Variants in NWD1 observed in about 807,000 individuals in gnomAD.
NWD1 encodes NACHT and WD repeat domain containing 1.
NWD1 carries 129 observed loss-of-function variants against 135.1 expected under a neutral mutation model. The ratio of observed to expected loss-of-function variants is 0.96; its 90% CI spans 0.83 to 1.11. The LOEUF (loss-of-function observed/expected upper bound fraction) is 1.11, where lower values mean the gene tolerates loss of function less well. Among genes scored for constraint, NWD1 ranks in the 50% least tolerant of loss-of-function variants. The pLI is 0.00. For missense variants in NWD1, 1,740 were observed against 1,851.3 expected (o/e 0.94, Z 1.10); for synonymous variants, 773 against 786.0 (o/e 0.98, Z 0.28).
In NWD1 at chr19:16,815,261, G is replaced by A. The variant is rs780780047; in HGVS notation, c.*222G>A. ...AGCTGCAGGAGCTCCCCAGGACTTG[G>A]AGTCAGAAAGTGCCCAGGGAAATGA... On this transcript the variant is annotated 3_prime_UTR_variant, in exon 19 of 19. Coordinates refer to ENST00000524140, the MANE Select transcript of NWD1 (RefSeq NM_001007525.5). 2.6e-6 allele frequency: 2 copies of A among 781,428 alleles called. No individual in the cohort carries two copies. The highest frequency in any genetic ancestry group is 1.3e-5 in the South Asian group (1 of 74,634). 48.4% of individuals were successfully genotyped at this position (781,428 alleles called of 1,614,324 possible). A position where few individuals can be genotyped will look rare whatever the true frequency, so the allele number is the denominator to read the frequency against.
intron 11 of NWD1, among the ~76,000 whole-genome samples, chr19:16,774,386 AC>A (rs963457793): frequency 7.4e-5 from 11 of 148,140 alleles, no homozygotes; most frequent in African/African-American, 2.8e-4. Context: ...CCACCCTGCT[AC>A]CTTTCCATCC....
In NWD1 at chr19:16,744,604, G is replaced by T; in HGVS notation, c.382G>T (p.Glu128Ter). Reference sequence around the variant, plus strand: ...CGTCCTGCAGGCACCAGGTACTGGGGAGGCCTGTGAACCAGAGGAGGCCAC... The same window carrying T: ...CGTCCTGCAGGCACCAGGTACTGGGTAGGCCTGTGAACCAGAGGAGGCCAC... ...TYVLQAPGTG[E>*]ACEPEEATLT... The change falls in exon 5 of 19, where the codon GAG becomes TAG. Residue 128 changes from glutamate (E) to a stop codon, truncating the protein, a stop_gained. Transcript: ENST00000524140. LOFTEE classifies it high-confidence loss of function. 6.5e-7 allele frequency: 1 copy of T among 1,535,386 alleles called. No homozygotes were observed. The highest frequency in any genetic ancestry group is 2.4e-5 in the East Asian group (1 of 40,894).
intron 12 of NWD1, among the ~76,000 whole-genome samples, chr19:16,781,559 T>C (rs1431462286): frequency 3.3e-5 from 5 of 151,730 alleles, no homozygotes; most frequent in African/African-American, 1.2e-4. Context: ...GGGGCTACAG[T>C]GAGCTGTGAT....
At chr19:16,739,451 G>A (rs1967993040) in intron 4 of NWD1, among the ~76,000 whole-genome samples, 2 of 151,976 alleles carry the variant, frequency 1.3e-5, no homozygotes, top group South Asian at 4.1e-4. Flanking sequence ...CAAAAGCACA[G>A]TGCAGCTTTC....
intron 4 of NWD1, among the ~76,000 whole-genome samples, chr19:16,738,836 T>A (rs1475725480): frequency 7.0e-6 from 1 of 143,592 alleles, no homozygotes; most frequent in East Asian, 2.0e-4. Flanking sequence ...ATGTATACAT[T>A]ATATATTATA....
intron 2 of NWD1, among the ~76,000 whole-genome samples, chr19:16,729,476 G>A (rs181788165): frequency 3.3e-5 from 5 of 151,716 alleles, no homozygotes; most frequent in Admixed American, 6.6e-5. Flanking sequence ...TCTGCCCCTC[G>A]ATGTAAAGTA....
intron 12 of NWD1, among the ~76,000 whole-genome samples, chr19:16,785,584 ATGAC>A (rs143856587): frequency 0.11 from 17,179 of 151,158 alleles, 1,778 homozygotes; most frequent in African/African-American, 0.28. Flanking sequence ...AAAAAAGAGG[ATGAC>A]TGTTTTCTGA....
intron 11 of NWD1, among the ~76,000 whole-genome samples, chr19:16,774,973 A>G (rs1026586073): frequency 1.3e-5 from 2 of 151,840 alleles, no homozygotes; most frequent in South Asian, 2.1e-4. Context: ...CACTCATCCA[A>G]CTAGCCACCT....
At chr19:16,773,101 C>CT in intron 10 of NWD1, 25 bp from the exon 11 acceptor site, 1 of 1,609,996 alleles carries the variant, frequency 6.2e-7, no homozygotes, top group Non-Finnish European at 8.5e-7. Flanking sequence ...ATCCAGGCAA[C>CT]TTAGTCTACA....
intron 2 of NWD1, among the ~76,000 whole-genome samples, chr19:16,726,916 C>T (rs1376383037): frequency 6.6e-6 from 1 of 151,908 alleles, no homozygotes; most frequent in Non-Finnish European, 1.5e-5. Context: ...CAAGTGTCCC[C>T]TGGGGGCTGA....
chr19:16,802,008 G>T (rs966622334), intron 17 of NWD1, among the ~76,000 whole-genome samples: 1 of 151,660 alleles, frequency 6.6e-6, no homozygotes, highest in African/African-American at 2.4e-5. Context: ...AATAATGGCC[G>T]GGCATGGTGG....
At chr19:16,750,492 T>A in intron 6 of NWD1, 81 bp downstream of exon 6, 1 of 1,145,036 alleles carries the variant, frequency 8.7e-7, no homozygotes, top group South Asian at 1.7e-5. Flanking sequence ...TCTGGCTATG[T>A]CACCCAGGCT....
chr19:16,789,300 T>A, intron 13 of NWD1, 110 bp downstream of exon 13: 1 of 817,310 alleles, frequency 1.2e-6, no homozygotes, highest in Non-Finnish European at 2.0e-6. Flanking sequence ...GGGGTGGGGG[T>A]GTAAATGGAG....
At chr19:16,729,478 TGTAAA>T (rs1765051253) in intron 2 of NWD1, among the ~76,000 whole-genome samples, 1 of 151,774 alleles carries the variant, frequency 6.6e-6, no homozygotes. Flanking sequence ...TGCCCCTCGA[TGTAAA>T]GTAGATTTGT....
At chr19:16,809,196 G>A (rs552176960) in intron 18 of NWD1, among the ~76,000 whole-genome samples, 3 of 151,220 alleles carry the variant, frequency 2.0e-5, no homozygotes, top group South Asian at 4.2e-4. Context: ...CAACTCTCCC[G>A]CCTCGGCCTC....
rs554104547 is a variant in NWD1 at position 16,807,727 on chromosome 19, T to C, written c.3878T>C (p.Ile1293Thr). ...AATTCCAGGCAGGACGTGATATGCA[T>C]TCCCCCTCCCGAGGCCCGGAAAGCA... ...PLNSRQDVIC[I>T]PPPEARKAIN... The change falls in exon 18 of 19, where the codon ATT becomes ACT. Residue 1293 changes from isoleucine to threonine, a missense_variant. Transcript: ENST00000524140. 3.1e-6 allele frequency: 5 copies of C among 1,613,356 alleles called. No homozygotes were observed. The South Asian group carries it at 3.3e-5, about 11-fold the overall frequency.
chr19:16,773,000 A>T, intron 10 of NWD1, 126 bp from the exon 11 acceptor site: 1 of 766,122 alleles, frequency 1.3e-6, no homozygotes, highest in Admixed American at 2.0e-5. Context: ...CGGACAGCAG[A>T]GGCCAGTAGC....
intron 17 of NWD1, among the ~76,000 whole-genome samples, chr19:16,800,528 C>A (rs1348771471): frequency 6.6e-6 from 1 of 151,910 alleles, no homozygotes; most frequent in Non-Finnish European, 1.5e-5. Flanking sequence ...GAGACTCTGT[C>A]CCAGAAAAAT....
intron 6 of NWD1, among the ~76,000 whole-genome samples, chr19:16,751,674 A>G (rs1968584686): frequency 6.6e-6 from 1 of 151,078 alleles, no homozygotes. Context: ...GGTGGCGGTC[A>G]CCTGTAATCC....
Sources: allele counts gnomAD v4.1 joint callset (sites outside exome capture counted in the v4.1 genomes callset), GRCh38; gene constraint gnomAD v4.1.1; transcripts MANE v1.5; gene names NCBI Gene and HGNC (gene_info 2026-07-23, HGNC 2026-07-21).